HMGCLL1: variants seen among roughly 807,000 people sequenced by gnomAD.
The protein encoded by HMGCLL1 is 3-hydroxy-3-methylglutaryl-CoA lyase like 1.
A neutral mutation model predicts 39.1 loss-of-function variants in HMGCLL1; 36 were observed. The observed-to-expected ratio is 0.92, with a 90% CI of 0.71 to 1.22. The LOEUF is 1.22. Ranked by LOEUF, HMGCLL1 falls within the 50% of genes most tolerant of loss-of-function variation. The pLI is 0.00. For missense variants in HMGCLL1, 451 were observed against 416.5 expected (o/e 1.08, Z -0.72); for synonymous variants, 149 against 144.0 (o/e 1.03, Z -0.25).
chr6:55,600,743 T>A, the HMGCLL1 span, among the ~76,000 whole-genome samples: 5 of 152,150 alleles, frequency 3.3e-5, no homozygotes, highest in Admixed American at 3.3e-4. Context: ...TTGTCAACTT[T>A]CCCCAGTATG....
chr6:55,577,239 G>GA (rs1456653469), intron 1 of HMGCLL1: 60 of 607,302 alleles, frequency 9.9e-5, no homozygotes, highest in African/African-American at 4.0e-4. Context: ...CGATAAGATA[G>GA]AAAAAATCAC....
the HMGCLL1 span, among the ~76,000 whole-genome samples, chr6:55,624,842 A>C: frequency 1.3e-5 from 2 of 152,142 alleles, no homozygotes; most frequent in African/African-American, 4.8e-5. Context: ...TAGTGGGCTT[A>C]TTTGGATCTT....
intron 5 of HMGCLL1, among the ~76,000 whole-genome samples, chr6:55,508,331 A>G (rs1290036192): frequency 2.6e-5 from 4 of 151,858 alleles, no homozygotes; most frequent in African/African-American, 7.2e-5. Context: ...TTCAATCCCT[A>G]ATTACATTTT....
chr6:55,634,136 A>G, the HMGCLL1 span, among the ~76,000 whole-genome samples: 1 of 152,154 alleles, frequency 6.6e-6, no homozygotes, highest in Middle Eastern at 3.4e-3. Context: ...TAATATGTAA[A>G]GTTAATACAA....
At chr6:55,629,671 C>G in the HMGCLL1 span, among the ~76,000 whole-genome samples, 1 of 152,078 alleles carries the variant, frequency 6.6e-6, no homozygotes, top group Non-Finnish European at 1.5e-5. Flanking sequence ...TGGGCCAGGC[C>G]CAGGGTTCCT....
Position 55,434,758 on chromosome 6 carries a change from A to G in HMGCLL1, c.*904T>C, listed in dbSNP as rs1049406981. 4.6e-5 allele frequency: 7 copies of G among 152,094 alleles called. No homozygotes were observed. Among genetic ancestry groups the G allele is most frequent in the African/African-American group, 1.7e-4 (7 of 41,438 alleles). 9.4% of individuals were successfully genotyped at this position (152,094 alleles called of 1,614,324 possible). On this transcript the variant is annotated 3_prime_UTR_variant, in exon 9 of 9. Coordinates refer to ENST00000274901, the MANE Select transcript of HMGCLL1 (RefSeq NM_001042406.2). ...TGTGGGTAAGCAAAGCACCATGAATAAAAGGAAAATGGGTATTTCATTAAC... is the reference window on the plus strand; with the variant it reads ...TGTGGGTAAGCAAAGCACCATGAATGAAAGGAAAATGGGTATTTCATTAAC...
intron 6 of HMGCLL1, among the ~76,000 whole-genome samples, chr6:55,497,322 T>TAAA (rs148604505): frequency 6.7e-6 from 1 of 148,714 alleles, no homozygotes; most frequent in African/African-American, 2.5e-5. Context: ...ACTCTGTTCT[T>TAAA]AAAAAAAAAA....
chr6:55,438,574 G>A (rs1306631127), intron 8 of HMGCLL1, among the ~76,000 whole-genome samples: 2 of 152,002 alleles, frequency 1.3e-5, no homozygotes, highest in Admixed American at 1.3e-4. Context: ...GGAATACGAG[G>A]CATAAGGCCA....
chr6:55,660,624 A>G, the HMGCLL1 span, among the ~76,000 whole-genome samples: 7 of 151,790 alleles, frequency 4.6e-5, no homozygotes, highest in Admixed American at 3.3e-4. Flanking sequence ...TCATTGATGG[A>G]CATTTAGGTT....
chr6:55,478,953 A>C (rs969602430), intron 7 of HMGCLL1, among the ~76,000 whole-genome samples: 1 of 151,602 alleles, frequency 6.6e-6, no homozygotes, highest in African/African-American at 2.4e-5. Context: ...TAAATTCAAA[A>C]AGGGAATACT....
chr6:55,545,872 A>C (rs1769936340), intron 1 of HMGCLL1, among the ~76,000 whole-genome samples: 2 of 152,124 alleles, frequency 1.3e-5, no homozygotes, highest in Non-Finnish European at 2.9e-5. Context: ...CTTAAATCAC[A>C]CATAGTCAAC....
chr6:55,486,073 T>A (rs1465078517), intron 7 of HMGCLL1, among the ~76,000 whole-genome samples: 1 of 148,502 alleles, frequency 6.7e-6, no homozygotes, highest in Non-Finnish European at 1.5e-5. Flanking sequence ...TGTCGGTGTA[T>A]ACACACACAC....
At chr6:55,470,885 T>G (rs1391460084) in intron 7 of HMGCLL1, among the ~76,000 whole-genome samples, 1 of 151,708 alleles carries the variant, frequency 6.6e-6, no homozygotes, top group Admixed American at 6.6e-5. Flanking sequence ...TCATGAGAAC[T>G]CACTCACTAG....
chr6:55,533,460 C>T (rs1028571404), intron 3 of HMGCLL1, among the ~76,000 whole-genome samples: 1 of 152,090 alleles, frequency 6.6e-6, no homozygotes, highest in Non-Finnish European at 1.5e-5. Context: ...CTTTTCATTT[C>T]TAGAGTACAT....
the HMGCLL1 span, among the ~76,000 whole-genome samples, chr6:55,600,501 A>C: frequency 6.6e-6 from 1 of 152,248 alleles, no homozygotes; most frequent in East Asian, 1.9e-4. Context: ...AGTAGATTTA[A>C]TTAAATAATT....
the HMGCLL1 span, among the ~76,000 whole-genome samples, chr6:55,657,563 G>C: frequency 6.6e-6 from 1 of 151,940 alleles, no homozygotes; most frequent in South Asian, 2.1e-4. Flanking sequence ...TTTTGTACCA[G>C]TACCATGCTA....
intron 5 of HMGCLL1, among the ~76,000 whole-genome samples, chr6:55,505,194 C>T (rs1767091238): frequency 1.3e-5 from 2 of 151,522 alleles, no homozygotes; most frequent in Non-Finnish European, 1.5e-5. Context: ...ACAGTTAGGC[C>T]TTATCCCAGC....
At chr6:55,575,641 G>A (rs931868271) in intron 1 of HMGCLL1, among the ~76,000 whole-genome samples, 6 of 152,096 alleles carry the variant, frequency 3.9e-5, no homozygotes, top group Non-Finnish European at 8.8e-5. Context: ...GTTTATTCAT[G>A]ATTCTCTCTG....
chr6:55,670,868 A>G, the HMGCLL1 span, among the ~76,000 whole-genome samples: 3 of 151,794 alleles, frequency 2.0e-5, no homozygotes, highest in Admixed American at 6.6e-5. Context: ...ATCTAAACAA[A>G]CAAATTGCAA....
Sources: allele counts gnomAD v4.1 joint callset (sites outside exome capture counted in the v4.1 genomes callset), GRCh38; gene constraint gnomAD v4.1.1; transcripts MANE v1.5; gene names NCBI Gene and HGNC (gene_info 2026-07-23, HGNC 2026-07-21).